SLC38A8: variants seen among roughly 807,000 people sequenced by gnomAD.
The protein encoded by SLC38A8 is amino acid transporter SLC38A8.
A neutral mutation model predicts 46.0 loss-of-function variants in SLC38A8; 65 were observed. The observed-to-expected ratio is 1.41, with a 90% confidence interval of 1.16 to 1.74. SLC38A8 has a LOEUF of 1.74. SLC38A8 is among the 40% of genes most tolerant of loss of function. SLC38A8 has a pLI of 0.00. For synonymous variants in SLC38A8, 447 were observed against 243.7 expected (o/e 1.83, Z -7.77); for missense variants, 998 against 567.9 (o/e 1.76, Z -7.70).
Position 84,016,663 on chromosome 16 carries a change from C to A in SLC38A8, c.1018G>T (p.Asp340Tyr), listed in dbSNP as rs200459710. The stretch of plus-strand genomic sequence containing the variant: ...ATCCGGACCCACAGCCCTGAGGGGT[C>A]GGCCAGGGCGCTGGGCCCCCATCCC... ...LGGWGPSALA[D>Y]PSGLWVRMPL... Residue 340 changes from aspartate (D) to tyrosine (Y), a missense_variant, in exon 9 of 11, where the codon GAC (aspartate) becomes TAC (tyrosine). Transcript: ENST00000299709. 6.2e-7 allele frequency: 1 copy of A among 1,613,648 alleles called. No individual in the cohort carries two copies. The highest frequency in any genetic ancestry group is 1.7e-5 in the Admixed American group (1 of 60,018).
At chr16:84,015,545 T>G (rs2085015135) in intron 9 of SLC38A8, among the ~76,000 whole-genome samples, 1 of 147,156 alleles carries the variant, frequency 6.8e-6, no homozygotes, top group Non-Finnish European at 1.5e-5. Context: ...TGATTGACCC[T>G]CAGCCCTGCT....
intron 7 of SLC38A8, among the ~76,000 whole-genome samples, chr16:84,018,234 T>G (rs2085055060): frequency 7.3e-6 from 1 of 137,074 alleles, no homozygotes; most frequent in Non-Finnish European, 1.6e-5. Context: ...TTTTTTTTTT[T>G]TTTTTTTTTT....
intron 3 of SLC38A8, 89 bp downstream of exon 3, chr16:84,036,613 G>C (rs1047223425): frequency 1.4e-6 from 2 of 1,465,308 alleles, no homozygotes; most frequent in Non-Finnish European, 1.9e-6. Context: ...GCCCAGGCCA[G>C]GGCCCCACGT....
intron 4 of SLC38A8, among the ~76,000 whole-genome samples, chr16:84,032,938 G>T (rs886531694): frequency 7.2e-6 from 1 of 139,058 alleles, no homozygotes; most frequent in Non-Finnish European, 1.5e-5. Context: ...ACGTGGGTGT[G>T]CATGGGTGGG....
rs1364299238 is a variant in SLC38A8 at position 84,017,194 on chromosome 16, AC to A, written c.898del (p.Val300SerfsTer8). 2 of 1,613,972 alleles carry A rather than the reference AC, an allele frequency of 1.2e-6. No individual in the cohort carries two copies. Among genetic ancestry groups the A allele is most frequent in the African/African-American group, 1.3e-5 (1 of 74,956 alleles). ...AGTTACGATGGAGACAGCAAAAAGG[AC>A]CCGGGCCACAATGATGACCATATCA... ...GNDMVIIVAR[V>X]LFAVSIVTVY... On this transcript the variant is annotated frameshift_variant, in exon 8 of 11. Transcript: ENST00000299709. LOFTEE classifies it high-confidence loss of function.
chr16:84,018,556 T>C (rs533222361), intron 7 of SLC38A8, among the ~76,000 whole-genome samples: 10 of 152,170 alleles, frequency 6.6e-5, no homozygotes, highest in African/African-American at 9.6e-5. Flanking sequence ...ACTAGTGCCA[T>C]GCCCATAACC....
At chr16:84,033,550 G>C in intron 3 of SLC38A8, 81 bp from the exon 4 acceptor site, 1 of 1,471,788 alleles carries the variant, frequency 6.8e-7, no homozygotes, top group Non-Finnish European at 9.0e-7. Context: ...TTCAACCCTG[G>C]CTGGGGTTGG....
At chr16:84,010,691 C>T (rs1350920132) in intron 10 of SLC38A8, among the ~76,000 whole-genome samples, 1 of 152,134 alleles carries the variant, frequency 6.6e-6, no homozygotes, top group Non-Finnish European at 1.5e-5. Flanking sequence ...TCGCAGTGAG[C>T]CAAGATTGCA....
intron 6 of SLC38A8, among the ~76,000 whole-genome samples, chr16:84,027,889 G>T (rs933947642): frequency 3.9e-5 from 6 of 152,198 alleles, no homozygotes; most frequent in Non-Finnish European, 8.8e-5. Flanking sequence ...CTTAAACTCA[G>T]TCCAGACAAA....
intron 5 of SLC38A8, 145 bp downstream of exon 5, chr16:84,031,722 C>G: frequency 2.9e-6 from 2 of 696,830 alleles, no homozygotes; most frequent in Non-Finnish European, 4.8e-6. Context: ...CTTGCCTTCA[C>G]CGCATCAGAG....
intron 8 of SLC38A8, 84 bp from the exon 9 acceptor site, chr16:84,016,811 G>A (rs867980035): frequency 2.8e-6 from 4 of 1,410,228 alleles, no homozygotes; most frequent in Non-Finnish European, 1.9e-6. Context: ...TCCTCCAGGA[G>A]TCCCCTCACA....
intron 2 of SLC38A8, among the ~76,000 whole-genome samples, chr16:84,039,763 AAAAAAG>A: frequency 2.6e-5 from 2 of 75,486 alleles, no homozygotes; most frequent in African/African-American, 7.4e-5. Flanking sequence ...AAAAAAAAAA[AAAAAAG>A]GCAGGGGAAG....
chr16:84,023,622 G>A (rs553017286), intron 6 of SLC38A8, among the ~76,000 whole-genome samples: 13 of 152,286 alleles, frequency 8.5e-5, no homozygotes, highest in South Asian at 2.1e-4. Context: ...TGCCGGGCAC[G>A]CTGGCTCGCA....
In SLC38A8 at chr16:84,022,870, G is replaced by A. The variant is rs71404127; in HGVS notation, c.710C>T (p.Ser237Phe). The change falls in exon 7 of 11, where the codon TCC becomes TTC. Residue 237 changes from serine to phenylalanine, a missense_variant. Ser to Phe is a radical substitution (Grantham distance 155). Coordinates refer to ENST00000299709, the MANE Select transcript of SLC38A8 (RefSeq NM_001080442.3). ...FGFQCHEAAV[S>F]IYCSMRKRSL... Reference sequence around the variant, plus strand: ...CCGTTTGCGCATGCTGCAGTAGATGGAGACGGCAGCTTCGTGACACTGTAA... The same window carrying A: ...CCGTTTGCGCATGCTGCAGTAGATGAAGACGGCAGCTTCGTGACACTGTAA... 1 of 1,607,052 alleles carries A rather than the reference G, an allele frequency of 6.2e-7. No individual in the cohort carries two copies. Among genetic ancestry groups the A allele is most frequent in the Non-Finnish European group, 8.5e-7 (1 of 1,177,494 alleles).
intron 3 of SLC38A8, among the ~76,000 whole-genome samples, chr16:84,036,396 T>G (rs1345076984): frequency 6.6e-6 from 1 of 152,226 alleles, no homozygotes; most frequent in Non-Finnish European, 1.5e-5. Context: ...TACTGGTTCT[T>G]TCTCAGAAGG....
chr16:84,022,670 T>G (rs534982176), intron 7 of SLC38A8, 105 bp downstream of exon 7: 2 of 826,994 alleles, frequency 2.4e-6, no homozygotes, highest in Non-Finnish European at 3.9e-6. Flanking sequence ...AAACATTGAG[T>G]ATTGAGCCCA....
At chr16:84,017,326 G>T (rs1045918572) in intron 7 of SLC38A8, 39 bp from the exon 8 acceptor site, 13 of 1,608,558 alleles carry the variant, frequency 8.1e-6, no homozygotes, top group South Asian at 1.1e-5. Context: ...GAGTGGATTA[G>T]GAAAATGCTG....
At position 84,017,123 on chromosome 16, in the gene SLC38A8, A is replaced by T. The variant is rs777979136; in HGVS notation, c.953+17T>A. The T allele has an allele frequency of 6.2e-7, 1 of 1,613,426 alleles. No individual in the cohort carries two copies. Among genetic ancestry groups the T allele is most frequent in the Non-Finnish European group, 8.5e-7 (1 of 1,179,822 alleles). ...CAGACCATGCTTCACGGTGCCCCCC[A>T]CTGAGCCAGGCCTCACCTCCCCAGG... is the stretch of plus-strand genomic sequence containing the variant. On this transcript the variant is annotated intron_variant, in intron 8 of 10. Transcript: ENST00000299709.
intron 4 of SLC38A8, among the ~76,000 whole-genome samples, chr16:84,032,842 G>T (rs983703230): frequency 6.6e-6 from 1 of 152,190 alleles, no homozygotes. Flanking sequence ...ACCTCTGTGT[G>T]TGTGCACACA....
Sources: gnomAD v4.1 joint callset for allele counts (sites outside exome capture counted in the v4.1 genomes callset) on GRCh38, gnomAD v4.1.1 for gene constraint, MANE v1.5 for transcripts, NCBI Gene and HGNC (gene_info 2026-07-23, HGNC 2026-07-21) for gene names.